Variants in DLGAP2 observed in about 807,000 individuals in gnomAD.
DLGAP2 encodes the protein DLG associated protein 2.
DLGAP2 carries 26 observed loss-of-function variants against 100.3 expected under a neutral mutation model. That is an observed-to-expected ratio of 0.26 (90% CI 0.19 to 0.36). The LOEUF is 0.36. Among genes scored for constraint, DLGAP2 ranks in the 10% least tolerant of loss-of-function variants. DLGAP2 has a pLI of 1.00. For missense variants in DLGAP2, 1,858 were observed against 1,453.2 expected (o/e 1.28, Z -4.53); for synonymous variants, 886 against 630.1 (o/e 1.41, Z -6.08).
At chr8:1,158,559 A>T (rs1329847472) in intron 2 of DLGAP2, among the ~76,000 whole-genome samples, 2 of 152,196 alleles carry the variant, frequency 1.3e-5, no homozygotes, top group Non-Finnish European at 2.9e-5. Flanking sequence ...CCTATATATA[A>T]ACTGCTCTCT....
intron 4 of DLGAP2, among the ~76,000 whole-genome samples, chr8:1,537,273 A>G (rs1801185063): frequency 6.6e-6 from 1 of 152,136 alleles, no homozygotes; most frequent in South Asian, 2.1e-4. Flanking sequence ...GTGCATAATC[A>G]TGCATGTGTG....
intron 4 of DLGAP2, among the ~76,000 whole-genome samples, chr8:1,525,997 C>T (rs1305808736): frequency 6.6e-6 from 1 of 152,072 alleles, no homozygotes; most frequent in African/African-American, 2.4e-5. Context: ...ATTTGCATTA[C>T]ATACTTGCCA....
At chr8:1,036,944 C>T (rs1442356481) in intron 2 of DLGAP2, among the ~76,000 whole-genome samples, 1 of 151,920 alleles carries the variant, frequency 6.6e-6, no homozygotes, top group African/African-American at 2.4e-5. Flanking sequence ...TTCCTAAAGT[C>T]CGTGCTCCTG....
At chr8:1,191,375 T>A (rs1797634038) in intron 2 of DLGAP2, among the ~76,000 whole-genome samples, 1 of 152,098 alleles carries the variant, frequency 6.6e-6, no homozygotes, top group African/African-American at 2.4e-5. Context: ...TTTCACCGTG[T>A]TAGCCAGGAT....
intron 2 of DLGAP2, among the ~76,000 whole-genome samples, chr8:1,094,935 G>T (rs1160135983): frequency 6.6e-6 from 1 of 152,238 alleles, no homozygotes; most frequent in Non-Finnish European, 1.5e-5. Context: ...AGTGGACACA[G>T]GGAGAAACAG....
chr8:1,304,374 G>T (rs1051855509), intron 3 of DLGAP2, among the ~76,000 whole-genome samples: 2 of 152,220 alleles, frequency 1.3e-5, no homozygotes, highest in East Asian at 3.8e-4. Context: ...GTGGAACGAG[G>T]AGGAATTTCA....
intron 2 of DLGAP2, among the ~76,000 whole-genome samples, chr8:1,234,202 C>T (rs1228482204): frequency 6.6e-6 from 1 of 152,246 alleles, no homozygotes; most frequent in Admixed American, 6.5e-5. Context: ...GGTGGTGCAC[C>T]TGTCTGCTGG....
intron 2 of DLGAP2, among the ~76,000 whole-genome samples, chr8:989,542 T>C (rs565027003): frequency 1.3e-5 from 2 of 152,182 alleles, no homozygotes; most frequent in East Asian, 3.9e-4. Context: ...CTTTCTCACA[T>C]GTCATGTGTG....
At chr8:1,244,057 C>G (rs1206457116) in intron 2 of DLGAP2, among the ~76,000 whole-genome samples, 1 of 152,206 alleles carries the variant, frequency 6.6e-6, no homozygotes, top group Non-Finnish European at 1.5e-5. Flanking sequence ...CCTCCGCACT[C>G]CACCGTAGGG....
chr8:1,259,878 T>G (rs192401539), intron 3 of DLGAP2: 9 of 152,376 alleles, frequency 5.9e-5, no homozygotes, highest in Non-Finnish European at 1.3e-4. Flanking sequence ...AAGGGAAGTA[T>G]GACAAGGTTT....
intron 10 of DLGAP2, among the ~76,000 whole-genome samples, 191 bp downstream of exon 10, chr8:1,669,975 C>T (rs1005543593): frequency 6.6e-6 from 1 of 152,174 alleles, no homozygotes. Flanking sequence ...CTGCCTGCAG[C>T]CCTGGGCCTC....
chr8:996,271 A>C (rs1800781821), intron 2 of DLGAP2, among the ~76,000 whole-genome samples: 1 of 152,176 alleles, frequency 6.6e-6, no homozygotes, highest in Admixed American at 6.5e-5. Flanking sequence ...ACTTCCCCAG[A>C]ATCACTCAGG....
At chr8:1,024,010 C>T (rs1167864309) in intron 2 of DLGAP2, among the ~76,000 whole-genome samples, 3 of 151,838 alleles carry the variant, frequency 2.0e-5, no homozygotes, top group Non-Finnish European at 2.9e-5. Flanking sequence ...TGTCTCAGGG[C>T]CCCTGTCTTC....
chr8:1,327,328 G>A (rs766209211), intron 3 of DLGAP2, among the ~76,000 whole-genome samples: 1 of 152,228 alleles, frequency 6.6e-6, no homozygotes, highest in Non-Finnish European at 1.5e-5. Flanking sequence ...TGGCTCCACG[G>A]GGACTGCAGT....
At chr8:985,605 G>C (rs1311413065) in intron 2 of DLGAP2, among the ~76,000 whole-genome samples, 1 of 152,126 alleles carries the variant, frequency 6.6e-6, no homozygotes, top group Non-Finnish European at 1.5e-5. Flanking sequence ...TCATGTAGGA[G>C]GTTTATAATG....
At chr8:1,681,590 G>A (rs1212399653) in intron 12 of DLGAP2, among the ~76,000 whole-genome samples, 1 of 149,008 alleles carries the variant, frequency 6.7e-6, no homozygotes, top group Non-Finnish European at 1.5e-5. Flanking sequence ...CCCCAGAGGT[G>A]GAGGCTGCAG....
chr8:822,892 A>G (rs1348868178), intron 1 of DLGAP2, among the ~76,000 whole-genome samples: 1 of 152,198 alleles, frequency 6.6e-6, no homozygotes. Flanking sequence ...CACAAAGAGC[A>G]GATTGGAGAG....
chr8:1,366,138 A>G (rs1323742714), intron 3 of DLGAP2, among the ~76,000 whole-genome samples: 2 of 152,252 alleles, frequency 1.3e-5, no homozygotes, highest in Non-Finnish European at 2.9e-5. Context: ...TACAAGTTGA[A>G]AAGTTTCCTA....
chr8:1,169,096 A>G (rs370287483), intron 2 of DLGAP2, among the ~76,000 whole-genome samples: 14,963 of 148,162 alleles, frequency 0.1, 1,464 homozygotes, highest in African/African-American at 0.25. Flanking sequence ...AGCTTTCTCC[A>G]TATGGCTAGC....
Sources: allele counts gnomAD v4.1 joint callset (sites outside exome capture counted in the v4.1 genomes callset), GRCh38; gene constraint gnomAD v4.1.1; transcripts MANE v1.5; gene names NCBI Gene and HGNC (gene_info 2026-07-23, HGNC 2026-07-21).